Variants in POLR3F observed in about 807,000 individuals in gnomAD.
POLR3F encodes DNA-directed RNA polymerase III subunit RPC6.
Under a neutral mutation model 43.6 loss-of-function variants are expected in POLR3F, and 31 were observed. The ratio of observed to expected loss-of-function variants is 0.71; its 90% CI spans 0.53 to 0.96. The LOEUF is 0.96. Among genes scored for constraint, POLR3F ranks in the 40% least tolerant of loss-of-function variants. The pLI is 0.00. For synonymous variants in POLR3F, 114 were observed against 132.5 expected (o/e 0.86, Z 0.96); for missense variants, 316 against 391.7 (o/e 0.81, Z 1.63).
chr20:18,474,667 T>A (rs193171104), intron 4 of POLR3F, among the ~76,000 whole-genome samples: 3 of 152,076 alleles, frequency 2.0e-5, no homozygotes, highest in Admixed American at 2.0e-4. Context: ...TACAGGTGCA[T>A]GCCATCAGGC....
intron 5 of POLR3F, among the ~76,000 whole-genome samples, chr20:18,479,402 G>T (rs1295213950): frequency 6.6e-6 from 1 of 152,148 alleles, no homozygotes; most frequent in Non-Finnish European, 1.5e-5. Flanking sequence ...GGCTGAGGCA[G>T]GAGAATCACT....
At chr20:18,473,079 C>A in intron 3 of POLR3F, 170 bp downstream of exon 3, 1 of 395,112 alleles carries the variant, frequency 2.5e-6, no homozygotes. Flanking sequence ...AGTGTATATC[C>A]TTTCTTCTAG....
At position 18,484,031 on chromosome 20, in the gene POLR3F, G is replaced by A; in HGVS notation, c.*473G>A. 2 of 398,334 alleles carry A rather than the reference G, an allele frequency of 5.0e-6. No individual in the cohort carries two copies. The highest frequency in any genetic ancestry group is 8.9e-6 in the Non-Finnish European group (2 of 225,978). 24.7% of individuals were successfully genotyped at this position (398,334 alleles called of 1,614,324 possible). ...TTTCATTGAAAAGAAATTAGAAGGG[G>A]TTAAAGGCAGGAATAGCAAAGAGTG... On this transcript the variant is annotated 3_prime_UTR_variant, in exon 9 of 9. Transcript: ENST00000377603.
At position 18,483,565 on chromosome 20, in the gene POLR3F, G is replaced by A. The variant is rs932287034; in HGVS notation, c.*7G>A. 1 of 1,295,264 alleles carries A rather than the reference G, an allele frequency of 7.7e-7. No individual in the cohort carries two copies. Among genetic ancestry groups the A allele is most frequent in the Admixed American group, 2.2e-5 (1 of 45,346 alleles). The allele number at this position is 1,295,264 out of a possible 1,614,324, so 80.2% of individuals were successfully genotyped here. On this transcript the variant is annotated 3_prime_UTR_variant, in exon 9 of 9. Transcript: ENST00000377603. ...AGAGTGGCTCGAATTTTAATAGAGA[G>A]CTATGAACTTTATTGACATTTTGCA...
chr20:18,474,703 G>A (rs1163946208), intron 4 of POLR3F, among the ~76,000 whole-genome samples: 1 of 151,916 alleles, frequency 6.6e-6, no homozygotes, highest in Non-Finnish European at 1.5e-5. Context: ...TGTATTTTTA[G>A]TAGGGACAGA....
rs1426164327 is a variant in POLR3F, at chr20:18,467,402, T to A, written c.-105T>A. ...GCTGCGACACGAGGAAGAAGGCCCC[T>A]CGGCCTCAGCAGAGCGCTATCCTCC... On this transcript the variant is annotated 5_prime_UTR_variant, in exon 1 of 9. Transcript: ENST00000377603. 3.2e-6 allele frequency: 4 copies of A among 1,265,232 alleles called. No individual in the cohort carries two copies. The highest frequency in any genetic ancestry group is 4.6e-6 in the Non-Finnish European group (4 of 878,748). The allele number at this position is 1,265,232 out of a possible 1,614,324, so 78.4% of individuals were successfully genotyped here.
At chr20:18,467,669 T>C (rs2059702340) in intron 1 of POLR3F, 101 bp downstream of exon 1, 1 of 1,576,686 alleles carries the variant, frequency 6.3e-7, no homozygotes, top group Non-Finnish European at 8.6e-7. Flanking sequence ...CGGAGCGGGT[T>C]AGGTGAGCAC....
Position 18,470,444 on chromosome 20 carries a change from GGAT to G in POLR3F, c.180+1390_180+1392del, listed in dbSNP as rs2059743585. Among the ~76,000 whole-genome samples the G allele has an allele frequency of 2.6e-5, 4 of 152,200 alleles. No homozygotes were observed. The South Asian group carries it at 8.3e-4, about 31-fold the overall frequency. ...TGTCATTTTAGCAAGAAGCAGCCAT[GGAT>G]GATGATACATAAACAAATGGCTACA... On this transcript the variant is annotated intron_variant, in intron 2 of 8. Coordinates refer to ENST00000377603, the MANE Select transcript of POLR3F (RefSeq NM_006466.4).
intron 5 of POLR3F, among the ~76,000 whole-genome samples, chr20:18,479,152 A>T (rs188394655): frequency 3.5e-4 from 53 of 152,164 alleles, no homozygotes; most frequent in African/African-American, 1.2e-3. Flanking sequence ...GTTTCAAAAA[A>T]AAAAAGAAAA....
At chr20:18,481,095 C>T (rs926369103) in intron 7 of POLR3F, among the ~76,000 whole-genome samples, 2 of 152,138 alleles carry the variant, frequency 1.3e-5, no homozygotes, top group Non-Finnish European at 2.9e-5. Flanking sequence ...CAGAAAGTGT[C>T]AAACTCAGCA....
intron 7 of POLR3F, 34 bp downstream of exon 7, chr20:18,480,543 T>C: frequency 8.0e-7 from 1 of 1,248,362 alleles, no homozygotes; most frequent in Non-Finnish European, 1.2e-6. Context: ...TTTTTAAAAC[T>C]TATTCTTTGT....
intron 8 of POLR3F, 82 bp downstream of exon 8, chr20:18,481,892 G>T (rs1020601379): frequency 1.2e-6 from 1 of 811,956 alleles, no homozygotes; most frequent in Non-Finnish European, 2.0e-6. Context: ...GCACAGCCCA[G>T]TTTTCTCAGA....
rs76458858 is a variant in POLR3F, at chr20:18,472,496, A to C, written c.181-346A>C. On this transcript the variant is annotated intron_variant, in intron 2 of 8. Transcript: ENST00000377603. ...ACCACGCCCAGCCATTAACTTTATAAATTTTATTTTTCACTGTGCAACAGA... is the reference window on the plus strand; with the variant it reads ...ACCACGCCCAGCCATTAACTTTATACATTTTATTTTTCACTGTGCAACAGA... Among the ~76,000 whole-genome samples, 249 of 151,952 alleles carry C rather than the reference A, an allele frequency of 1.6e-3. 2 individuals carry two copies. Among genetic ancestry groups the C allele is most frequent in the African/African-American group, 5.4e-3 (226 of 41,468 alleles).
intron 2 of POLR3F, among the ~76,000 whole-genome samples, chr20:18,469,794 A>C (rs2059738207): frequency 2.0e-5 from 3 of 152,250 alleles, no homozygotes; most frequent in Admixed American, 1.3e-4. Context: ...ACATAGGTCT[A>C]GTCTGTTCTC....
intron 8 of POLR3F, among the ~76,000 whole-genome samples, chr20:18,482,591 A>G (rs1026433075): frequency 6.6e-6 from 1 of 152,188 alleles, no homozygotes; most frequent in African/African-American, 2.4e-5. Flanking sequence ...CCCAGAGATC[A>G]TGTCTTTCCC....
intron 7 of POLR3F, among the ~76,000 whole-genome samples, chr20:18,481,223 A>G (rs775526253): frequency 5.9e-5 from 9 of 152,074 alleles, no homozygotes; most frequent in Non-Finnish European, 7.3e-5. Flanking sequence ...ATTTCACAGC[A>G]GAATTATGAC....
chr20:18,478,068 T>C (rs973071346), intron 5 of POLR3F, among the ~76,000 whole-genome samples: 1 of 152,154 alleles, frequency 6.6e-6, no homozygotes, highest in Non-Finnish European at 1.5e-5. Flanking sequence ...ATCCTGAAAC[T>C]ATTTAGAGTC....
In POLR3F at chr20:18,472,765, A is replaced by C. The variant is rs552586252; in HGVS notation, c.181-77A>C. The C allele has an allele frequency of 7.4e-5, 51 of 693,838 alleles. No homozygotes were observed. In the South Asian group the frequency reaches 9.3e-4, roughly 13 times the overall value. 43.0% of individuals were successfully genotyped at this position (693,838 alleles called of 1,614,324 possible). A position where few individuals can be genotyped will look rare whatever the true frequency, so the allele number is the denominator to read the frequency against. On this transcript the variant is annotated intron_variant, in intron 2 of 8. Transcript: ENST00000377603. ...TTTGAAAAATTAAGAATGTTAAAGA[A>C]TGCATCAACATTTGTCATTTGATTT...
At chr20:18,479,219 G>A (rs1368441145) in intron 5 of POLR3F, among the ~76,000 whole-genome samples, 5 of 152,062 alleles carry the variant, frequency 3.3e-5, no homozygotes, top group African/African-American at 4.8e-5. Flanking sequence ...ACAATAGCTG[G>A]ACACGGGGGC....
Sources: gnomAD v4.1 joint callset for allele counts (sites outside exome capture counted in the v4.1 genomes callset) on GRCh38, gnomAD v4.1.1 for gene constraint, MANE v1.5 for transcripts, NCBI Gene and HGNC (gene_info 2026-07-23, HGNC 2026-07-21) for gene names.